Variants in CREBZF observed in about 807,000 individuals in gnomAD.
The protein encoded by CREBZF is CREB/ATF bZIP transcription factor, also known as HCF-binding transcription factor Zhangfei.
CREBZF carries 8 observed loss-of-function variants against 21.1 expected under a neutral mutation model. That is an observed-to-expected ratio of 0.38 (90% CI 0.22 to 0.68). The LOEUF (loss-of-function observed/expected upper bound fraction) is 0.68, where lower values mean the gene tolerates loss of function less well. CREBZF is among the 30% of genes least tolerant of loss of function. CREBZF has a pLI of 0.51. For missense variants in CREBZF, 518 were observed against 484.3 expected (o/e 1.07, Z -0.65); for synonymous variants, 270 against 223.3 (o/e 1.21, Z -1.86).
intron 1 of CREBZF, among the ~76,000 whole-genome samples, chr11:85,672,145 G>T (rs1269212621): frequency 1.3e-5 from 2 of 152,214 alleles, no homozygotes; most frequent in African/African-American, 4.8e-5. Flanking sequence ...CAAGGCTTGG[G>T]GCTTGCACCC....
chr11:85,672,003 C>T (rs867147752), intron 1 of CREBZF, among the ~76,000 whole-genome samples: 16 of 152,254 alleles, frequency 1.1e-4, no homozygotes, highest in African/African-American at 3.9e-4. Context: ...CCATGGGAGC[C>T]CCGCTCCTGC....
intron 1 of CREBZF, among the ~76,000 whole-genome samples, chr11:85,673,281 G>C (rs17743922): frequency 0.037 from 5,559 of 152,234 alleles, 155 homozygotes; most frequent in Admixed American, 0.053. Context: ...GTGTTTTTCT[G>C]AGTAGATATA....
chr11:85,676,477 C>T (rs991338550), intron 1 of CREBZF, among the ~76,000 whole-genome samples: 4 of 152,150 alleles, frequency 2.6e-5, no homozygotes, highest in African/African-American at 4.8e-5. Context: ...GAATAGTACA[C>T]AGAATCCTTA....
chr11:85,678,938 G>A (rs956858826), intron 1 of CREBZF, among the ~76,000 whole-genome samples: 1 of 152,222 alleles, frequency 6.6e-6, no homozygotes, highest in Non-Finnish European at 1.5e-5. Flanking sequence ...AGTTTGCATG[G>A]GAATGGTGGT....
chr11:85,659,049 A>C lies in CREBZF; in HGVS notation c.*4762T>G, dbSNP rs1259585029. ...ACTGTGCTGGCCACACAACACTACAAATTTCTAATGGAAGAATTCCCTTTT... is the reference window on the plus strand; with the variant it reads ...ACTGTGCTGGCCACACAACACTACACATTTCTAATGGAAGAATTCCCTTTT... On this transcript the variant is annotated 3_prime_UTR_variant, in exon 1 of 1. Transcript: ENST00000527447. 1.3e-5 allele frequency among the ~76,000 whole-genome samples: 2 copies of C among 152,056 alleles called. No homozygotes were observed. The highest frequency in any genetic ancestry group is 2.9e-5 in the Non-Finnish European group (2 of 67,920).
At position 85,664,959 on chromosome 11, in the gene CREBZF, T is replaced by G. The variant is rs2153326075; in HGVS notation, c.-84A>C. On this transcript the variant is annotated 5_prime_UTR_variant, in exon 1 of 1. Coordinates refer to ENST00000527447, the MANE Select transcript of CREBZF (RefSeq NM_001039618.4). This position sits in a 1 kb window ranked among gnomAD's most constrained non-coding sequence, Gnocchi z 5.5. ...CAAGGATCCCAGGCCCCAGGGCGGG[T>G]AGCCCCCGGCACTGGCCGAAACGAA... 1 of 1,037,128 alleles carries G rather than the reference T, an allele frequency of 9.6e-7. No homozygotes were observed. Among genetic ancestry groups the G allele is most frequent in the Non-Finnish European group, 1.3e-6 (1 of 768,874 alleles). 64.2% of individuals were successfully genotyped at this position (1,037,128 alleles called of 1,614,324 possible).
intron 1 of CREBZF, among the ~76,000 whole-genome samples, chr11:85,672,885 A>G (rs2082921356): frequency 6.6e-6 from 1 of 152,222 alleles, no homozygotes; most frequent in Non-Finnish European, 1.5e-5. Flanking sequence ...TAGAGAGCCT[A>G]TCTTAAGGGG....
Position 85,664,025 on chromosome 11 carries a change from A to G in CREBZF, c.851T>C (p.Leu284Pro). ...GGTCAGCCGCAGTCCCACGCCGCTC[A>G]GCCGGCTCAGCAAGCGAGCCAGTCC... ...ETGLARLLSR[L>P]SGVGLRLTTS... The change falls in exon 1 of 1, where the codon CTG becomes CCG. Residue 284 changes from leucine to proline, a missense_variant. By Grantham distance (98) the Leu-to-Pro change is moderately conservative. Around this residue, in one of 3 missense-constraint regions of CREBZF, gnomAD observed 114 missense variants for 134.1 expected, o/e 0.85. Coordinates refer to ENST00000527447, the MANE Select transcript of CREBZF (RefSeq NM_001039618.4). The surrounding 1 kb of genome is among the most constrained non-coding windows in gnomAD (Gnocchi z 5.5). 1 of 1,613,028 alleles carries G rather than the reference A, an allele frequency of 6.2e-7. No individual in the cohort carries two copies. Among genetic ancestry groups the G allele is most frequent in the Non-Finnish European group, 8.5e-7 (1 of 1,179,932 alleles).
chr11:85,667,093 C>T (rs1236007773), upstream of CREBZF, among the ~76,000 whole-genome samples: 3 of 152,290 alleles, frequency 2.0e-5, no homozygotes, highest in African/African-American at 7.2e-5. Context: ...GGCGTGGTGG[C>T]TCACACCTGT....
chr11:85,664,879 G>C lies in CREBZF; in HGVS notation c.-4C>G, dbSNP rs754016674. The stretch of plus-strand genomic sequence containing the variant: ...GCTTGGTCAGGCTATGCCTCATGAG[G>C]GCCAGCGGCGGGCCGCGGTAGGCCC... On this transcript the variant is annotated 5_prime_UTR_variant, in exon 1 of 1. Coordinates refer to ENST00000527447, the MANE Select transcript of CREBZF (RefSeq NM_001039618.4). This position sits in a 1 kb window ranked among gnomAD's most constrained non-coding sequence, Gnocchi z 5.5. The C allele has an allele frequency of 5.2e-5, 76 of 1,467,052 alleles. No individual in the cohort carries two copies. The highest frequency in any genetic ancestry group is 6.1e-5 in the Non-Finnish European group (68 of 1,115,670). The allele number at this position is 1,467,052 out of a possible 1,614,324, so 90.9% of individuals were successfully genotyped here. A position where few individuals can be genotyped will look rare whatever the true frequency, so the allele number is the denominator to read the frequency against.
intron 1 of CREBZF, among the ~76,000 whole-genome samples, chr11:85,671,230 A>T (rs902669032): frequency 6.6e-6 from 1 of 152,210 alleles, no homozygotes; most frequent in Non-Finnish European, 1.5e-5. Context: ...ACCTCATGAG[A>T]CTTATTCACT....
At chr11:85,673,229 C>CTA (rs1271414192) in intron 1 of CREBZF, among the ~76,000 whole-genome samples, 1 of 152,120 alleles carries the variant, frequency 6.6e-6, no homozygotes, top group Non-Finnish European at 1.5e-5. Context: ...ACTGGATTTT[C>CTA]TATAGCAGAG....
chr11:85,679,967 A>G (rs1399683273), intron 1 of CREBZF, among the ~76,000 whole-genome samples: 1 of 152,268 alleles, frequency 6.6e-6, no homozygotes, highest in African/African-American at 2.4e-5. Flanking sequence ...TAGGTAATAT[A>G]TTCACATAGT....
At chr11:85,681,352 A>G (rs1160421293) in intron 1 of CREBZF, among the ~76,000 whole-genome samples, 1 of 152,234 alleles carries the variant, frequency 6.6e-6, no homozygotes, top group Non-Finnish European at 1.5e-5. Context: ...ATAATTATTT[A>G]ATATATGGAG....
intron 1 of CREBZF, among the ~76,000 whole-genome samples, chr11:85,674,578 C>G (rs1169453440): frequency 6.6e-6 from 1 of 152,208 alleles, no homozygotes; most frequent in Non-Finnish European, 1.5e-5. Flanking sequence ...GCTGCATTAG[C>G]CCATTAGCCC....
rs996523935 is a variant in CREBZF at position 85,662,796 on chromosome 11, T to G, written c.*1015A>C. ...TAATCATACATATATAAATTTAACC[T>G]AAAATTTTAATACAACAAAAATAAA... On this transcript the variant is annotated 3_prime_UTR_variant, in exon 1 of 1. Coordinates refer to ENST00000527447, the MANE Select transcript of CREBZF (RefSeq NM_001039618.4). The G allele has an allele frequency of 5.3e-6, 1 of 187,020 alleles. No homozygotes were observed. Among genetic ancestry groups the G allele is most frequent in the Non-Finnish European group, 1.1e-5 (1 of 91,372 alleles). 11.6% of individuals were successfully genotyped at this position (187,020 alleles called of 1,614,324 possible).
rs945452170 is a variant in CREBZF at position 85,663,674 on chromosome 11, A to G, written c.*137T>C. On this transcript the variant is annotated 3_prime_UTR_variant, in exon 1 of 1. Coordinates refer to ENST00000527447, the MANE Select transcript of CREBZF (RefSeq NM_001039618.4). Reference sequence around the variant, plus strand: ...CTGTGTCACATTCATGCTTTTAGCTAAACACTTTAAGATTCAATATTACTT... The same window carrying G: ...CTGTGTCACATTCATGCTTTTAGCTGAACACTTTAAGATTCAATATTACTT... 3.7e-6 allele frequency: 6 copies of G among 1,610,210 alleles called. No homozygotes were observed. The highest frequency in any genetic ancestry group is 5.1e-6 in the Non-Finnish European group (6 of 1,178,242).
rs541699635 is a variant in CREBZF, at chr11:85,663,018, A to C, written c.*793T>G. The C allele has an allele frequency of 8.0e-5, 13 of 161,730 alleles. No homozygotes were observed. Among genetic ancestry groups the C allele is most frequent in the Admixed American group, 1.8e-4 (3 of 16,934 alleles). The allele number at this position is 161,730 out of a possible 1,614,324, so 10.0% of individuals were successfully genotyped here. A position where few individuals can be genotyped will look rare whatever the true frequency, so the allele number is the denominator to read the frequency against. On this transcript the variant is annotated 3_prime_UTR_variant, in exon 1 of 1. Coordinates refer to ENST00000527447, the MANE Select transcript of CREBZF (RefSeq NM_001039618.4). ...TTCTATATCTCATACTGAAAACTAAAAGGCATTGTTGATATTTAAGAGATA... is the reference window on the plus strand; with the variant it reads ...TTCTATATCTCATACTGAAAACTAACAGGCATTGTTGATATTTAAGAGATA...
chr11:85,669,013 AAAAAAAAAAAAAAAAAAAAAAAAAAAAAG>A (rs1409094046), upstream of CREBZF, among the ~76,000 whole-genome samples: 1 of 55,398 alleles, frequency 1.8e-5, no homozygotes, highest in Non-Finnish European at 2.9e-5. Context: ...AAAAAAAAAA[AAAAAAAAAAAAAAAAAAAAAAAAAAAAAG>A]AAACATGCTC....
Sources: allele counts gnomAD v4.1 joint callset (sites outside exome capture counted in the v4.1 genomes callset), GRCh38; gene constraint gnomAD v4.1.1; regional missense constraint gnomAD v4.1.1; non-coding constraint Gnocchi (gnomAD v3.1); transcripts MANE v1.5; gene names NCBI Gene and HGNC (gene_info 2026-07-23, HGNC 2026-07-21).